Variants in CYP4F22 observed in about 807,000 individuals in gnomAD.
CYP4F22 encodes ultra-long-chain fatty acid omega-hydroxylase.
Under a neutral mutation model 60.4 loss-of-function variants are expected in CYP4F22, and 37 were observed. The ratio of observed to expected loss-of-function variants is 0.61; its 90% CI spans 0.47 to 0.81. The LOEUF (loss-of-function observed/expected upper bound fraction) is 0.81, where lower values mean the gene tolerates loss of function less well. CYP4F22 is among the 30% of genes least tolerant of loss of function. The pLI, the probability that CYP4F22 is intolerant of heterozygous loss-of-function variation, is 0.00. For missense variants in CYP4F22, 655 were observed against 715.0 expected (o/e 0.92, Z 0.96); for synonymous variants, 258 against 280.5 (o/e 0.92, Z 0.80).
chr19:15,527,816 A>G (rs1455505854), intron 3 of CYP4F22, among the ~76,000 whole-genome samples: 1 of 152,182 alleles, frequency 6.6e-6, no homozygotes, highest in Non-Finnish European at 1.5e-5. Flanking sequence ...TCTAATTCTC[A>G]TAGCCTGTGA....
At chr19:15,524,680 GAGAA>G (rs34409297) in intron 2 of CYP4F22, among the ~76,000 whole-genome samples, 187 of 149,130 alleles carry the variant, frequency 1.3e-3, no homozygotes, top group South Asian at 7.3e-3. Context: ...GAGAGAGAGA[GAGAA>G]AGAAAGAAAG....
chr19:15,515,763 A>G (rs946005182), intron 1 of CYP4F22, among the ~76,000 whole-genome samples: 1 of 150,688 alleles, frequency 6.6e-6, no homozygotes, highest in Non-Finnish European at 1.5e-5. Flanking sequence ...TCGCCCTGTC[A>G]CCCAGGCTGG....
At chr19:15,540,869 G>A (rs1971454362) in intron 8 of CYP4F22, 152 bp downstream of exon 8, 2 of 989,158 alleles carry the variant, frequency 2.0e-6, no homozygotes, top group South Asian at 3.2e-5. Context: ...AGGATCGCTT[G>A]AGCCCTGGAA....
At position 15,544,342 on chromosome 19, in the gene CYP4F22, C is replaced by G. The variant is rs10401796; in HGVS notation, c.1136+63C>G. The G allele has an allele frequency of 0.011, 17,664 of 1,561,704 alleles. 1,140 individuals carry two copies. In the African/African-American group the frequency reaches 0.17, roughly 15 times the overall value. On this transcript the variant is annotated intron_variant, in intron 10 of 13. Transcript: ENST00000269703. ...AGGCCAGAGCCTTGGGTGTAAGCCT[C>G]TGCTCTCCCACTTACTGATTGTGTG... is the stretch of plus-strand genomic sequence containing the variant.
At chr19:15,511,027 C>A (rs906568278) in intron 1 of CYP4F22, among the ~76,000 whole-genome samples, 1 of 138,028 alleles carries the variant, frequency 7.2e-6, no homozygotes, top group South Asian at 2.3e-4. Flanking sequence ...AGTGTAATGG[C>A]GTGATCTTGG....
chr19:15,526,295 T>C (rs73512637), intron 3 of CYP4F22, among the ~76,000 whole-genome samples: 5,094 of 152,266 alleles, frequency 0.033, 119 homozygotes, highest in South Asian at 0.089. Context: ...CTATTCCCAA[T>C]GTGGTTCCAC....
chr19:15,541,861 G>A (rs1273534), intron 8 of CYP4F22, among the ~76,000 whole-genome samples: 11,062 of 136,028 alleles, frequency 0.081, 589 homozygotes, highest in African/African-American at 0.17. Context: ...GTGAAACTCC[G>A]TCTCAAAAAA....
chr19:15,525,931 G>T (rs1371518177), intron 3 of CYP4F22, among the ~76,000 whole-genome samples: 3 of 152,072 alleles, frequency 2.0e-5, no homozygotes, highest in Non-Finnish European at 2.9e-5. Flanking sequence ...GGAGGCTGAG[G>T]TAGGAGGATT....
intron 7 of CYP4F22, among the ~76,000 whole-genome samples, chr19:15,539,383 T>C (rs1297195299): frequency 1.3e-5 from 2 of 152,256 alleles, no homozygotes; most frequent in Non-Finnish European, 2.9e-5. Flanking sequence ...TTTCTTTTCA[T>C]TGATGAATAA....
At position 15,544,154 on chromosome 19, in the gene CYP4F22, C is replaced by T. The variant is rs762779449; in HGVS notation, c.1011C>T (p.His337=). The T allele has an allele frequency of 2.8e-5, 45 of 1,614,020 alleles. No individual in the cohort carries two copies. Among genetic ancestry groups the T allele is most frequent in the Middle Eastern group, 1.6e-4 (1 of 6,084 alleles). The change falls in exon 10 of 14, where the codon CAC becomes CAT. Residue 337 remains histidine, a synonymous_variant. Transcript: ENST00000269703. ...AEADTFMFEG[H]DTTSSGISWM... The stretch of plus-strand genomic sequence containing the variant: ...GATACCCTCATCTCCCTGCAGGTCA[C>T]GACACAACATCCAGTGGGATCTCTT...
chr19:15,510,207 C>G (rs991414579), intron 1 of CYP4F22, among the ~76,000 whole-genome samples: 3 of 151,958 alleles, frequency 2.0e-5, no homozygotes, highest in Admixed American at 2.0e-4. Context: ...GTCTTGAACT[C>G]TTGGGCTCAA....
intron 1 of CYP4F22, chr19:15,516,728 A>G: frequency 1.7e-6 from 1 of 573,852 alleles, no homozygotes. Context: ...GTTTTTGGGG[A>G]AGTCTTTGTA....
chr19:15,539,099 A>G (rs565195594), intron 7 of CYP4F22, among the ~76,000 whole-genome samples: 5 of 152,342 alleles, frequency 3.3e-5, no homozygotes, highest in East Asian at 3.9e-4. Context: ...TGCTTTTAGT[A>G]TATTCAGAGT....
intron 1 of CYP4F22, among the ~76,000 whole-genome samples, chr19:15,522,750 G>A (rs866070010): frequency 4.8e-4 from 73 of 151,956 alleles, no homozygotes; most frequent in African/African-American, 1.7e-3. Context: ...TCACTCTATC[G>A]CCCAGGCTGG....
rs1971220245 is a variant in CYP4F22, at chr19:15,521,123, T to C, written c.-108-2570T>C. Among the ~76,000 whole-genome samples, 10 of 152,226 alleles carry C rather than the reference T, an allele frequency of 6.6e-5. No individual in the cohort carries two copies. In the South Asian group the frequency reaches 2.1e-3, roughly 31 times the overall value. Reference sequence around the variant, plus strand: ...CTCAAGGTTCAACCCTGGTGTAGCATGTGTCAGAATGTCCTTGCTTTTGAA... The same window carrying C: ...CTCAAGGTTCAACCCTGGTGTAGCACGTGTCAGAATGTCCTTGCTTTTGAA... On this transcript the variant is annotated intron_variant, in intron 1 of 13. Coordinates refer to ENST00000269703, the MANE Select transcript of CYP4F22 (RefSeq NM_173483.4).
At chr19:15,526,394 A>C (rs555174935) in intron 3 of CYP4F22, among the ~76,000 whole-genome samples, 2 of 152,044 alleles carry the variant, frequency 1.3e-5, no homozygotes, top group African/African-American at 2.4e-5. Context: ...GGGTCTCGCT[A>C]TGTTGCCTAG....
At chr19:15,529,471 G>A (rs1971318517) in intron 3 of CYP4F22, among the ~76,000 whole-genome samples, 1 of 152,104 alleles carries the variant, frequency 6.6e-6, no homozygotes, top group South Asian at 2.1e-4. Flanking sequence ...TCAGGCCCAT[G>A]CTGGGGCTCT....
chr19:15,545,026 A>T (rs1971504847), intron 10 of CYP4F22, among the ~76,000 whole-genome samples: 1 of 152,136 alleles, frequency 6.6e-6, no homozygotes. Context: ...GCACCACTGC[A>T]CTCCAGCCTG....
At position 15,515,404 on chromosome 19, in the gene CYP4F22, T is replaced by C. The variant is rs1288231088; in HGVS notation, c.-109+6821T>C. ...TCTTGGCATCTCTGTACTTTGTTGG[T>C]CCAACTCAGACAGCAACTTTAAGGT... On this transcript the variant is annotated intron_variant, in intron 1 of 13. Coordinates refer to ENST00000269703, the MANE Select transcript of CYP4F22 (RefSeq NM_173483.4). The C allele has an allele frequency of 1.4e-5, 17 of 1,224,412 alleles. No individual in the cohort carries two copies. The Admixed American group carries it at 3.0e-4, about 21-fold the overall frequency. The allele number at this position is 1,224,412 out of a possible 1,614,324, so 75.8% of individuals were successfully genotyped here. A position where few individuals can be genotyped will look rare whatever the true frequency, so the allele number is the denominator to read the frequency against.
Sources: gnomAD v4.1 joint callset for allele counts (sites outside exome capture counted in the v4.1 genomes callset) on GRCh38, gnomAD v4.1.1 for gene constraint, MANE v1.5 for transcripts, NCBI Gene and HGNC (gene_info 2026-07-23, HGNC 2026-07-21) for gene names.